SH3BP5: variants seen among roughly 807,000 people sequenced by gnomAD.
SH3BP5 encodes the protein SH3 domain-binding protein 5.
A neutral mutation model predicts 43.3 loss-of-function variants in SH3BP5; 22 were observed. That is an observed-to-expected ratio of 0.51 (90% CI 0.36 to 0.73). The LOEUF is 0.73. SH3BP5 is among the 30% of genes least tolerant of loss of function. The pLI is 0.00. For synonymous variants in SH3BP5, 255 were observed against 225.8 expected (o/e 1.13, Z -1.16); for missense variants, 529 against 586.9 (o/e 0.90, Z 1.02).
intron 2 of SH3BP5, among the ~76,000 whole-genome samples, chr3:15,305,695 G>A (rs1232236834): frequency 6.6e-6 from 1 of 152,164 alleles, no homozygotes; most frequent in Non-Finnish European, 1.5e-5. Flanking sequence ...AGAGGGGAAT[G>A]GGAACAGCAT....
At chr3:15,257,260 C>A in intron 7 of SH3BP5, 147 bp from the exon 8 acceptor site, 1 of 801,554 alleles carries the variant, frequency 1.2e-6, no homozygotes, top group East Asian at 2.6e-5. Context: ...TGTGACTTCC[C>A]AAGCCTGAAT....
upstream of SH3BP5, chr3:15,333,137 T>G (rs1575361224): frequency 1.0e-6 from 1 of 985,316 alleles, no homozygotes; most frequent in Non-Finnish European, 1.2e-6. Context: ...TTTAAGGAGG[T>G]GGCAAGTGTA....
chr3:15,328,117 C>G (rs1040528669), intron 2 of SH3BP5, among the ~76,000 whole-genome samples: 1 of 151,998 alleles, frequency 6.6e-6, no homozygotes, highest in African/African-American at 2.4e-5. Flanking sequence ...AAAGGCCAGC[C>G]AGCAACCCAG....
intron 2 of SH3BP5, among the ~76,000 whole-genome samples, chr3:15,327,489 C>T (rs1698494229): frequency 6.6e-6 from 1 of 152,236 alleles, no homozygotes; most frequent in South Asian, 2.1e-4. Flanking sequence ...CCCTTGACCA[C>T]CCCAGTGGCT....
At chr3:15,332,670 C>T (rs1698647703), upstream of SH3BP5, 1 of 1,138,066 alleles carries the variant, frequency 8.8e-7, no homozygotes, top group Non-Finnish European at 1.1e-6. Flanking sequence ...CCTCGCGTTC[C>T]GCCGCCAGTC....
Position 15,332,273 on chromosome 3 carries a change from G to T in SH3BP5, c.136C>A (p.Gln46Lys), listed in dbSNP as rs1300018973. ...CGGGGCGACCCCGCGCGCCCTACCT[G>T]GATCCGGGGATCCACCTCTTCTTCC... ...EEEEEVDPRIQGELEKLNQST... is the reference protein window; with the variant it reads ...EEEEEVDPRIKGELEKLNQST... Residue 46 changes from glutamine to lysine, a missense_variant and splice_region_variant, in exon 1 of 9, where the codon CAG becomes AAG. Coordinates refer to ENST00000383791, the MANE Select transcript of SH3BP5 (RefSeq NM_004844.5). 6.5e-7 allele frequency: 1 copy of T among 1,549,866 alleles called. No individual in the cohort carries two copies. The highest frequency in any genetic ancestry group is 2.4e-5 in the East Asian group (1 of 41,546).
At chr3:15,266,124 G>GGGCGGTC (rs1488896699) in intron 4 of SH3BP5, among the ~76,000 whole-genome samples, 1 of 152,334 alleles carries the variant, frequency 6.6e-6, no homozygotes, top group South Asian at 2.1e-4. Flanking sequence ...GGGCGGTCAG[G>GGGCGGTC]AGCCTCTTTG....
intron 2 of SH3BP5, among the ~76,000 whole-genome samples, chr3:15,311,807 G>A (rs1283931466): frequency 2.6e-5 from 4 of 152,044 alleles, no homozygotes; most frequent in African/African-American, 4.8e-5. Context: ...CCAAGTAGCC[G>A]GGACTAGAGG....
At position 15,332,300 on chromosome 3, in the gene SH3BP5, CCTCCAGCCCCTG is replaced by C; in HGVS notation, c.97_108del (p.Gln33_Glu36del). On this transcript the variant is annotated inframe_deletion, in exon 1 of 9. Coordinates refer to ENST00000383791, the MANE Select transcript of SH3BP5 (RefSeq NM_004844.5). ...ATCCGGGGATCCACCTCTTCTTCCT[CCTCCAGCCCCTG>C]CTCCATCCCCTCTTCCTCCTCCTCC... 1 of 1,548,056 alleles carries C rather than the reference CCTCCAGCCCCTG, an allele frequency of 6.5e-7. No homozygotes were observed. Among genetic ancestry groups the C allele is most frequent in the African/African-American group, 1.4e-5 (1 of 73,428 alleles).
intron 2 of SH3BP5, among the ~76,000 whole-genome samples, chr3:15,314,375 C>T (rs1367424592): frequency 1.3e-5 from 2 of 152,122 alleles, no homozygotes; most frequent in East Asian, 3.9e-4. Flanking sequence ...CCTCCCGCCT[C>T]TGTCTGGTTT....
chr3:15,340,861 T>C (rs1698757221), intron 1 of SH3BP5, among the ~76,000 whole-genome samples: 1 of 152,020 alleles, frequency 6.6e-6, no homozygotes, highest in Admixed American at 6.6e-5. Flanking sequence ...AAAACCAGCC[T>C]GGCCAACATG....
chr3:15,270,689 T>C (rs1020754752), intron 3 of SH3BP5, among the ~76,000 whole-genome samples: 2 of 152,058 alleles, frequency 1.3e-5, no homozygotes, highest in Middle Eastern at 3.2e-3. Flanking sequence ...CCCAGCACTA[T>C]GGGAGGCAGG....
At chr3:15,303,985 T>C in intron 3 of SH3BP5, 118 bp downstream of exon 3, 1 of 806,218 alleles carries the variant, frequency 1.2e-6, no homozygotes, top group East Asian at 2.6e-5. Flanking sequence ...GGTCACTGCA[T>C]TTAAGACATA....
intron 8 of SH3BP5, 86 bp downstream of exon 8, chr3:15,256,767 G>A (rs1696218461): frequency 1.4e-6 from 2 of 1,447,086 alleles, no homozygotes; most frequent in Non-Finnish European, 1.9e-6. Flanking sequence ...GGGGCCCTGA[G>A]ACCTGGCAGA....
At chr3:15,321,986 T>C (rs1209584134) in intron 2 of SH3BP5, among the ~76,000 whole-genome samples, 1 of 152,056 alleles carries the variant, frequency 6.6e-6, no homozygotes, top group African/African-American at 2.4e-5. Flanking sequence ...AGGTGGATCA[T>C]TTGAGGTCGG....
At chr3:15,298,960 G>GA (rs752145249) in intron 3 of SH3BP5, among the ~76,000 whole-genome samples, 74 of 151,082 alleles carry the variant, frequency 4.9e-4, no homozygotes, top group Middle Eastern at 3.4e-3. Flanking sequence ...TAAAATGGGG[G>GA]AGAGGCAAAA....
At chr3:15,277,830 CA>C (rs1423684490) in intron 3 of SH3BP5, among the ~76,000 whole-genome samples, 1 of 152,152 alleles carries the variant, frequency 6.6e-6, no homozygotes, top group African/African-American at 2.4e-5. Context: ...AGCACTTGGC[CA>C]AAGCAATGAT....
intron 2 of SH3BP5, among the ~76,000 whole-genome samples, chr3:15,325,972 T>G (rs910311724): frequency 6.6e-6 from 1 of 152,114 alleles, no homozygotes; most frequent in Non-Finnish European, 1.5e-5. Flanking sequence ...TGAGCCGAGA[T>G]TGTGACACTG....
In SH3BP5 at chr3:15,306,740, C is replaced by T. The variant is rs1232955713; in HGVS notation, c.202-2509G>A. Among the ~76,000 whole-genome samples, 3 of 152,302 alleles carry T rather than the reference C, an allele frequency of 2.0e-5. No individual in the cohort carries two copies. In the East Asian group the frequency reaches 5.8e-4, roughly 29 times the overall value. ...CTGGAGTGCAGTGGCATGACCTCAG[C>T]TCACTGTAACCTCTGCCTCCCGGGT... On this transcript the variant is annotated intron_variant, in intron 2 of 8. Coordinates refer to ENST00000383791, the MANE Select transcript of SH3BP5 (RefSeq NM_004844.5).
Sources: gnomAD v4.1 joint callset for allele counts (sites outside exome capture counted in the v4.1 genomes callset) on GRCh38, gnomAD v4.1.1 for gene constraint, MANE v1.5 for transcripts, NCBI Gene and HGNC (gene_info 2026-07-23, HGNC 2026-07-21) for gene names.